Variants in COL17A1 observed in about 807,000 individuals in gnomAD.
COL17A1 encodes the protein collagen type XVII alpha 1 chain.
A neutral mutation model predicts 218.4 loss-of-function variants in COL17A1; 181 were observed. That is an observed-to-expected ratio of 0.83 (90% confidence interval 0.73 to 0.94). COL17A1 has a LOEUF of 0.94. Ranked by LOEUF, COL17A1 falls within the 40% of genes least tolerant of loss-of-function variation. The pLI, the probability that COL17A1 is intolerant of heterozygous loss-of-function variation, is 0.00. For synonymous variants in COL17A1, 721 were observed against 731.0 expected, an observed-to-expected ratio of 0.99 and a Z score of 0.22; for missense variants, 1,924 against 1,945.9, an observed-to-expected ratio of 0.99 and a Z score of 0.21.
chr10:104,049,362 C>T, intron 29 of COL17A1, 47 bp downstream of exon 29: 1 of 1,574,006 alleles, frequency 6.4e-7, no homozygotes, highest in Non-Finnish European at 8.7e-7. Context: ...GTCGTGGTGA[C>T]CCCTCAGATG....
At chr10:104,035,821 T>TATCGGAGTGTGCGTATGGGA (rs2086276171) in intron 48 of COL17A1, among the ~76,000 whole-genome samples, 3 of 14,258 alleles carry the variant, frequency 2.1e-4, no homozygotes, top group African/African-American at 3.5e-4. Context: ...GGAGTGAGTG[T>TATCGGAGTGTGCGTATGGGA]GTGTGTGTAT....
chr10:104,062,253 C>T lies in COL17A1; in HGVS notation c.910+5G>A. On this transcript the variant is annotated splice_donor_5th_base_variant and intron_variant, in intron 12 of 55. Coordinates refer to ENST00000648076, the MANE Select transcript of COL17A1 (RefSeq NM_000494.4). Reference sequence around the variant, plus strand: ...GCGCCTAAGCTCCAACCCTAGCCTACTGACCTGTGGAAGTGGTGGTGGTGC... The same window carrying T: ...GCGCCTAAGCTCCAACCCTAGCCTATTGACCTGTGGAAGTGGTGGTGGTGC... 2 of 1,614,254 alleles carry T rather than the reference C, an allele frequency of 1.2e-6. No homozygotes were observed. Among genetic ancestry groups the T allele is most frequent in the Non-Finnish European group, 1.7e-6 (2 of 1,180,040 alleles).
At position 104,050,848 on chromosome 10, in the gene COL17A1, C is replaced by A. The variant is rs781720999; in HGVS notation, c.2092G>T (p.Gly698Cys). ...CCCCCCAGGCCTCCCTCCAGCTTAC[C>A]TTTGACACCAGGAAGTCCTACTTCA... ...RGEVGLPGVK[G>C]DKGPMGPPGP... Residue 698 changes from glycine (G) to cysteine (C), a missense_variant and splice_region_variant, in exon 26 of 56, where the codon GGT (glycine) becomes TGT (cysteine). Transcript: ENST00000648076. 1.9e-6 allele frequency: 3 copies of A among 1,614,018 alleles called. No homozygotes were observed. The highest frequency in any genetic ancestry group is 2.5e-6 in the Non-Finnish European group (3 of 1,180,038).
At position 104,039,967 on chromosome 10, in the gene COL17A1, C is replaced by G. The variant is rs375915677; in HGVS notation, c.2788+6G>C. 1.2e-6 allele frequency: 2 copies of G among 1,614,200 alleles called. No individual in the cohort carries two copies. Among genetic ancestry groups the G allele is most frequent in the African/African-American group, 1.3e-5 (1 of 75,052 alleles). On this transcript the variant is annotated splice_donor_region_variant and intron_variant, in intron 41 of 55. Transcript: ENST00000648076. Reference sequence around the variant, plus strand: ...CAGGTTTTGTTTGATGCCGGCTCTACTGTACCTTGGTGTCCTCTGGGGCCT... The same window carrying G: ...CAGGTTTTGTTTGATGCCGGCTCTAGTGTACCTTGGTGTCCTCTGGGGCCT...
At position 104,034,775 on chromosome 10, in the gene COL17A1, G is replaced by T; in HGVS notation, c.3620-8C>A. On this transcript the variant is annotated splice_region_variant and splice_polypyrimidine_tract_variant and intron_variant, in intron 50 of 55. Coordinates refer to ENST00000648076, the MANE Select transcript of COL17A1 (RefSeq NM_000494.4). ...TGAATGACAAGCCGGCAGCTGGGCA[G>T]AAGGAAGAGAAAGAAAGGTCGGGGT... The T allele has an allele frequency of 6.2e-7, 1 of 1,611,590 alleles. No individual in the cohort carries two copies. Among genetic ancestry groups the T allele is most frequent in the South Asian group, 1.1e-5 (1 of 90,326 alleles).
chr10:104,056,594 G>GAA (rs2086530377), intron 17 of COL17A1, among the ~76,000 whole-genome samples: 2 of 124,750 alleles, frequency 1.6e-5, no homozygotes, highest in Admixed American at 8.2e-5. Context: ...AAAAAAAAAA[G>GAA]AAAGAAAAAG....
intron 29 of COL17A1, chr10:104,048,334 T>C (rs1005933352): frequency 4.1e-5 from 28 of 683,860 alleles, no homozygotes; most frequent in Non-Finnish European, 6.7e-5. Flanking sequence ...TGCCTTCCCA[T>C]TGCATCTCAA....
In COL17A1 at chr10:104,032,146, G is replaced by T; in HGVS notation, c.*89C>A. Reference sequence around the variant, plus strand: ...GTGCTGTCTCAGTAGGACATTGACAGACTCCAGCTTTCACCCTCTGGAGAC... The same window carrying T: ...GTGCTGTCTCAGTAGGACATTGACATACTCCAGCTTTCACCCTCTGGAGAC... On this transcript the variant is annotated 3_prime_UTR_variant, in exon 56 of 56. Coordinates refer to ENST00000648076, the MANE Select transcript of COL17A1 (RefSeq NM_000494.4). 1 of 1,020,168 alleles carries T rather than the reference G, an allele frequency of 9.8e-7. No individual in the cohort carries two copies. The highest frequency in any genetic ancestry group is 1.5e-6 in the Non-Finnish European group (1 of 645,938). The allele number at this position is 1,020,168 out of a possible 1,614,324, so 63.2% of individuals were successfully genotyped here.
At chr10:104,048,890 G>A (rs1012138308) in intron 29 of COL17A1, among the ~76,000 whole-genome samples, 9 of 151,198 alleles carry the variant, frequency 6.0e-5, no homozygotes, top group South Asian at 2.1e-4. Context: ...AGACTGTAGC[G>A]CAGTGGTGTA....
chr10:104,083,912 A>G (rs1792069980), intron 1 of COL17A1, among the ~76,000 whole-genome samples: 1 of 152,206 alleles, frequency 6.6e-6, no homozygotes, highest in Non-Finnish European at 1.5e-5. Flanking sequence ...TTCTCTATAC[A>G]CTTTAAATTT....
At chr10:104,032,325 T>TATC (rs769214913) in intron 55 of COL17A1, 35 bp from the exon 56 acceptor site, 3 of 1,587,498 alleles carry the variant, frequency 1.9e-6, no homozygotes, top group Non-Finnish European at 1.7e-6. Context: ...AGTTAAAACA[T>TATC]ATCTTGTGGC....
chr10:104,035,687 AG>A (rs1474029052), intron 48 of COL17A1, 124 bp from the exon 49 acceptor site: 1 of 772,168 alleles, frequency 1.3e-6, no homozygotes, highest in Non-Finnish European at 2.1e-6. Flanking sequence ...AGATGGTGGC[AG>A]GAAGAGAGGC....
At chr10:104,076,198 G>C in intron 5 of COL17A1, 103 bp downstream of exon 5, 1 of 1,575,498 alleles carries the variant, frequency 6.3e-7, no homozygotes, top group Middle Eastern at 1.7e-4. Flanking sequence ...TGGGGAGAAA[G>C]GTGAAGGGCA....
intron 31 of COL17A1, among the ~76,000 whole-genome samples, chr10:104,047,219 T>G (rs1463840282): frequency 6.6e-6 from 1 of 151,744 alleles, no homozygotes; most frequent in Non-Finnish European, 1.5e-5. Flanking sequence ...TGGTTTTCAT[T>G]TGTTCTTCCT....
At chr10:104,038,221 TAGACACACATAC>T (rs1434418699) in intron 45 of COL17A1, among the ~76,000 whole-genome samples, 173 bp downstream of exon 45, 34 of 135,670 alleles carry the variant, frequency 2.5e-4, no homozygotes, top group African/African-American at 9.6e-4. Context: ...CCTGGACACA[TAGACACACATAC>T]ACACACACAC....
chr10:104,050,605 G>T lies in COL17A1; in HGVS notation c.2128+16C>A. 1 of 1,612,912 alleles carries T rather than the reference G, an allele frequency of 6.2e-7. No homozygotes were observed. On this transcript the variant is annotated intron_variant, in intron 27 of 55. Transcript: ENST00000648076. The stretch of plus-strand genomic sequence containing the variant: ...GGCAGGCCCTGGTAATGACAGAGCA[G>T]CAGTGAGTGGCATACCTTTGGGTCC...
At position 104,060,143 on chromosome 10, in the gene COL17A1, C is replaced by T. The variant is rs2086568995; in HGVS notation, c.1117G>A (p.Ala373Thr). 1 of 1,614,134 alleles carries T rather than the reference C, an allele frequency of 6.2e-7. No individual in the cohort carries two copies. The highest frequency in any genetic ancestry group is 1.1e-5 in the South Asian group (1 of 91,082). ...CTTGCAGCGATGCTGGCAGGGGAGG[C>T]TGTAAAGACCTTCCCGCTGTCCTTG... The part of the protein sequence containing the change: ...MTKDSGKVFT[A>T]SPASIAATSF... Residue 373 changes from alanine (A) to threonine (T), a missense_variant, in exon 14 of 56, where the codon GCC becomes ACC. Ala to Thr is a moderately conservative substitution (Grantham distance 58). Transcript: ENST00000648076.
At chr10:104,081,825 C>T (rs1231587509) in intron 1 of COL17A1, among the ~76,000 whole-genome samples, 1 of 152,136 alleles carries the variant, frequency 6.6e-6, no homozygotes, top group African/African-American at 2.4e-5. Flanking sequence ...TTGGGGCTCA[C>T]AAAATGTTTA....
rs188877769 is a variant in COL17A1, at chr10:104,070,181, T to C, written c.607+245A>G. On this transcript the variant is annotated intron_variant, in intron 9 of 55. Coordinates refer to ENST00000648076, the MANE Select transcript of COL17A1 (RefSeq NM_000494.4). ...CTACCCCCTAAACCATAAAATTCAA[T>C]GCCTGCTGAGTCTTACATTGTGGGA... Among the ~76,000 whole-genome samples the C allele has an allele frequency of 2.7e-3, 413 of 152,290 alleles. 5 individuals are homozygous for C. The highest frequency in any genetic ancestry group is 7.8e-4 in the Non-Finnish European group (53 of 68,000).
Sources: allele counts gnomAD v4.1 joint callset (sites outside exome capture counted in the v4.1 genomes callset), GRCh38; gene constraint gnomAD v4.1.1; transcripts MANE v1.5; gene names NCBI Gene and HGNC (gene_info 2026-07-23, HGNC 2026-07-21).